BCL7A: variants seen among roughly 807,000 people sequenced by gnomAD.
BCL7A encodes BAF chromatin remodeling complex subunit BCL7A.
In BCL7A, 11 loss-of-function variants were observed where a neutral mutation model predicts 28.4. The ratio of observed to expected loss-of-function variants is 0.39; its 90% CI spans 0.24 to 0.64. The LOEUF is 0.64. BCL7A is among the 30% of genes least tolerant of loss of function. The pLI, the probability that BCL7A is intolerant of heterozygous loss-of-function variation, is 0.50. For synonymous variants in BCL7A, 123 were observed against 103.3 expected, an observed-to-expected ratio of 1.19 and a Z score of -1.15; for missense variants, 222 against 274.8, an observed-to-expected ratio of 0.81 and a Z score of 1.36.
chr12:122,022,572 C>G (rs1255904825), intron 1 of BCL7A, among the ~76,000 whole-genome samples: 1 of 145,132 alleles, frequency 6.9e-6, no homozygotes, highest in Non-Finnish European at 1.5e-5. Context: ...TCCCGCGCGC[C>G]GGGGCCGCGA....
intron 3 of BCL7A, among the ~76,000 whole-genome samples, chr12:122,038,785 G>C (rs1475312845): frequency 1.3e-5 from 2 of 152,174 alleles, no homozygotes; most frequent in Non-Finnish European, 2.9e-5. Flanking sequence ...TTAACCTCTA[G>C]CTTTGGGGTT....
chr12:122,036,898 G>A (rs7298990), intron 3 of BCL7A, among the ~76,000 whole-genome samples: 64,504 of 151,848 alleles, frequency 0.42, 15,352 homozygotes, highest in Non-Finnish European at 0.56. Flanking sequence ...TAGTAGATAC[G>A]AGGTTTCACC....
chr12:122,036,775 T>G (rs991896490), intron 3 of BCL7A, among the ~76,000 whole-genome samples: 2 of 151,834 alleles, frequency 1.3e-5, no homozygotes, highest in African/African-American at 4.8e-5. Context: ...TGGTGCGATC[T>G]CAGCTCACCG....
chr12:122,032,855 C>A (rs1017167194), intron 2 of BCL7A, among the ~76,000 whole-genome samples: 1 of 152,158 alleles, frequency 6.6e-6, no homozygotes, highest in Non-Finnish European at 1.5e-5. Flanking sequence ...TCCCCCACCC[C>A]CTTTCCCTCT....
intron 1 of BCL7A, among the ~76,000 whole-genome samples, chr12:122,023,857 G>A (rs533717564): frequency 6.6e-6 from 1 of 152,334 alleles, no homozygotes; most frequent in African/African-American, 2.4e-5. Flanking sequence ...CCTGTGCAAA[G>A]AAAGAACTGG....
chr12:122,027,932 A>T (rs1227441876), intron 1 of BCL7A, among the ~76,000 whole-genome samples: 1 of 152,138 alleles, frequency 6.6e-6, no homozygotes, highest in African/African-American at 2.4e-5. Context: ...GGGGAGGGGT[A>T]TGTGTTCTGT....
chr12:122,035,129 C>T (rs889586773), intron 2 of BCL7A, among the ~76,000 whole-genome samples: 1 of 152,210 alleles, frequency 6.6e-6, no homozygotes, highest in Non-Finnish European at 1.5e-5. Flanking sequence ...GTGGGGCTCT[C>T]TGATTCCACA....
intron 1 of BCL7A, among the ~76,000 whole-genome samples, chr12:122,028,548 C>T (rs1202871521): frequency 6.6e-6 from 1 of 152,136 alleles, no homozygotes; most frequent in Non-Finnish European, 1.5e-5. Context: ...CTTCCTCCAG[C>T]TTCTGTTACC....
Position 122,021,957 on chromosome 12 carries a change from T to TGTGTGTGTGTGTGTGTGTGA in BCL7A, c.-134_-133insTGTGTGTGTGTGTGTGTGAG, listed in dbSNP as rs776212842. 5 of 583,462 alleles carry TGTGTGTGTGTGTGTGTGTGA rather than the reference T, an allele frequency of 8.6e-6. No individual in the cohort carries two copies. The highest frequency in any genetic ancestry group is 3.8e-5 in the South Asian group (2 of 53,222). 36.1% of individuals were successfully genotyped at this position (583,462 alleles called of 1,614,324 possible). ...GTGTGTGTGTGTGTGTGTGTGTGTGTGAGTGTGTGCGTGTGAGAGTGCGAG... is the reference window on the plus strand; with the variant it reads ...GTGTGTGTGTGTGTGTGTGTGTGTGTGTGTGTGTGTGTGTGTGTGAGAGTGTGTGCGTGTGAGAGTGCGAG... On this transcript the variant is annotated 5_prime_UTR_variant, in exon 1 of 6. It removes the in-frame stop codon of an upstream open reading frame in the 5' UTR. Coordinates refer to ENST00000261822, the MANE Select transcript of BCL7A (RefSeq NM_001024808.3).
rs1213097801 is a variant in BCL7A, at chr12:122,024,469, T to G, written c.92+2286T>G. Among the ~76,000 whole-genome samples the G allele has an allele frequency of 5.3e-5, 8 of 151,740 alleles. No homozygotes were observed. The East Asian group carries it at 5.8e-4, about 11-fold the overall frequency. ...TTGGCTTTGAGGTTTTTTGTTTTTTTTTTTTTTTGGCCCCTTCTAAGCGAA... is the reference window on the plus strand; with the variant it reads ...TTGGCTTTGAGGTTTTTTGTTTTTTGTTTTTTTTGGCCCCTTCTAAGCGAA... On this transcript the variant is annotated intron_variant, in intron 1 of 5. Transcript: ENST00000261822.
At chr12:122,037,930 CAA>C (rs1302309754) in intron 3 of BCL7A, among the ~76,000 whole-genome samples, 2 of 151,568 alleles carry the variant, frequency 1.3e-5, no homozygotes, top group Non-Finnish European at 2.9e-5. Context: ...GCCTGGGCAA[CAA>C]GAGTGAAACT....
At chr12:122,054,990 G>A (rs1951867495) in intron 5 of BCL7A, 64 bp downstream of exon 5, 3 of 1,613,090 alleles carry the variant, frequency 1.9e-6, no homozygotes, top group Admixed American at 3.4e-5. Context: ...GTTGTCGGGG[G>A]TACGTTGAAA....
chr12:122,053,587 C>T (rs1046975034), intron 4 of BCL7A, among the ~76,000 whole-genome samples: 8 of 152,076 alleles, frequency 5.3e-5, no homozygotes, highest in East Asian at 1.9e-4. Context: ...GTCCGGGCCT[C>T]GGGTAGGATT....
rs879225661 is a variant in BCL7A at position 122,060,893 on chromosome 12, G to GA, written c.*1742dup. 0.057 allele frequency: 10,013 copies of GA among 176,746 alleles called. 15 individuals carry two copies. The highest frequency in any genetic ancestry group is 0.18 in the East Asian group (1,856 of 10,096). The allele number at this position is 176,746 out of a possible 1,614,324, so 10.9% of individuals were successfully genotyped here. A position where few individuals can be genotyped will look rare whatever the true frequency, so the allele number is the denominator to read the frequency against. The stretch of plus-strand genomic sequence containing the variant: ...ATGCAAAATGTCTCCTGAAATAAGG[G>GA]AAAAAAAAAAAACCACAACTTTGAA... On this transcript the variant is annotated 3_prime_UTR_variant, in exon 6 of 6. Coordinates refer to ENST00000261822, the MANE Select transcript of BCL7A (RefSeq NM_001024808.3).
intron 1 of BCL7A, among the ~76,000 whole-genome samples, chr12:122,022,693 C>T (rs1883494106): frequency 6.8e-6 from 1 of 147,964 alleles, no homozygotes; most frequent in African/African-American, 2.4e-5. Context: ...CCTCCGCCAG[C>T]CCCGGCCCGC....
Position 122,060,791 on chromosome 12 carries a change from AT to A in BCL7A, c.*1639del, listed in dbSNP as rs57981128. ...AAGAGTTTCTGAGGGTGAGGCTCTT[AT>A]TTTTTTTTTTAAGGGATCCTGTCTA... is the stretch of plus-strand genomic sequence containing the variant. On this transcript the variant is annotated 3_prime_UTR_variant, in exon 6 of 6. Coordinates refer to ENST00000261822, the MANE Select transcript of BCL7A (RefSeq NM_001024808.3). The A allele has an allele frequency of 9.9e-3, 1,871 of 189,038 alleles. No homozygotes were observed. The highest frequency in any genetic ancestry group is 0.015 in the East Asian group (179 of 11,816). The allele number at this position is 189,038 out of a possible 1,614,324, so 11.7% of individuals were successfully genotyped here.
chr12:122,022,218 G>T (rs1407734039), intron 1 of BCL7A, 35 bp downstream of exon 1: 1 of 1,383,798 alleles, frequency 7.2e-7, no homozygotes, highest in African/African-American at 1.6e-5. Context: ...CCGCCTCCCC[G>T]GCCGCCCCGA....
chr12:122,056,161 G>A (rs545953929), intron 5 of BCL7A, among the ~76,000 whole-genome samples: 1 of 152,186 alleles, frequency 6.6e-6, no homozygotes, highest in Non-Finnish European at 1.5e-5. Context: ...AGCCCATCTG[G>A]TTAAAAACAG....
chr12:122,030,835 A>G, intron 2 of BCL7A, 54 bp downstream of exon 2: 1 of 1,532,936 alleles, frequency 6.5e-7, no homozygotes, highest in Non-Finnish European at 9.0e-7. Flanking sequence ...TGCTCCTCCC[A>G]CCATGGGGAG....
Sources: gnomAD v4.1 joint callset for allele counts (sites outside exome capture counted in the v4.1 genomes callset) on GRCh38, gnomAD v4.1.1 for gene constraint, MANE v1.5 for transcripts, NCBI Gene and HGNC (gene_info 2026-07-23, HGNC 2026-07-21) for gene names.